CELF2: variants seen among roughly 807,000 people sequenced by gnomAD.
CELF2 encodes the protein CUG triplet repeat RNA-binding protein 2.
A neutral mutation model predicts 62.6 loss-of-function variants in CELF2; 8 were observed. The ratio of observed to expected loss-of-function variants is 0.13; its 90% CI spans 0.07 to 0.23. The LOEUF (loss-of-function observed/expected upper bound fraction) is 0.23, where lower values mean the gene tolerates loss of function less well. CELF2 is among the 10% of genes least tolerant of loss of function. The probability of loss-of-function intolerance (pLI) is 1.00; values close to 1 mark genes in which losing one functional copy is unlikely to be tolerated. For synonymous variants in CELF2, 258 were observed against 250.0 expected, an observed-to-expected ratio of 1.03 and a Z score of -0.30; for missense variants, 333 against 671.0, an observed-to-expected ratio of 0.50 and a Z score of 5.56.
chr10:10,476,207 T>G, the CELF2 span, among the ~76,000 whole-genome samples: 2 of 102,816 alleles, frequency 1.9e-5, no homozygotes, highest in African/African-American at 7.2e-5. Context: ...GAAAGATTAT[T>G]TATCATTTTA....
At chr10:11,103,135 GTTGAGTGAC>G (rs2142708997) in intron 1 of CELF2, among the ~76,000 whole-genome samples, 1 of 152,184 alleles carries the variant, frequency 6.6e-6, no homozygotes, top group Non-Finnish European at 1.5e-5. Context: ...CCAACCTCTT[GTTGAGTGAC>G]TTCTGTACAT....
rs397816466 is a variant in CELF2, at chr10:11,305,064, C to CT, written c.977-9074dup. On this transcript the variant is annotated intron_variant, in intron 9 of 12. Transcript: ENST00000633077. This position sits in a 1 kb window ranked among gnomAD's most constrained non-coding sequence, Gnocchi z 4.8. ...CATCTTCTGGTTCAACTCGGTGCCC[C>CT]TCCTCCAGCCCTGGCCCAGTGGATA... Among the ~76,000 whole-genome samples the CT allele has an allele frequency of 3.3e-5, 5 of 151,438 alleles. No homozygotes were observed. The highest frequency in any genetic ancestry group is 7.4e-5 in the Non-Finnish European group (5 of 67,794).
the CELF2 span, among the ~76,000 whole-genome samples, chr10:10,607,288 T>C: frequency 1.3e-5 from 2 of 152,104 alleles, no homozygotes. Flanking sequence ...TGTTACATTT[T>C]ATTTATGTAA....
chr10:11,320,957 T>A, intron 10 of CELF2: 1 of 1,534,134 alleles, frequency 6.5e-7, no homozygotes, highest in South Asian at 1.2e-5. Context: ...CGTGCCACAG[T>A]GCATTTGAAT....
At chr10:10,741,492 CAAAAAAAAAAA>C in the CELF2 span, among the ~76,000 whole-genome samples, 9 of 57,344 alleles carry the variant, frequency 1.6e-4, no homozygotes, top group Admixed American at 6.3e-4. Flanking sequence ...GACTCCGTCT[CAAAAAAAAAAA>C]AAAAAAAAAA....
At chr10:10,511,228 G>C in the CELF2 span, among the ~76,000 whole-genome samples, 1 of 152,100 alleles carries the variant, frequency 6.6e-6, no homozygotes, top group South Asian at 2.1e-4. Flanking sequence ...TGGCAAAAAT[G>C]GCAAAACTCC....
intron 2 of CELF2, among the ~76,000 whole-genome samples, chr10:11,180,697 G>A (rs574386105): frequency 9.9e-5 from 15 of 152,212 alleles, no homozygotes; most frequent in African/African-American, 2.9e-4. Flanking sequence ...CTCGCCATGC[G>A]CTAGGTCCTG....
intron 2 of CELF2, among the ~76,000 whole-genome samples, chr10:10,998,993 C>T (rs756989226): frequency 2.0e-5 from 3 of 152,146 alleles, no homozygotes; most frequent in Non-Finnish European, 2.9e-5. Flanking sequence ...TTATTTTCAA[C>T]GTACCCATAT....
At chr10:10,817,235 T>C (rs2056547795) in intron 1 of CELF2, among the ~76,000 whole-genome samples, 1 of 152,196 alleles carries the variant, frequency 6.6e-6, no homozygotes, top group South Asian at 2.1e-4. Context: ...GGTGTACATA[T>C]TTATGAGGTA....
intron 4 of CELF2, among the ~76,000 whole-genome samples, chr10:11,252,442 T>C (rs894409747): frequency 9.2e-5 from 14 of 152,228 alleles, no homozygotes; most frequent in African/African-American, 3.4e-4. Flanking sequence ...TCTAAAACTT[T>C]GTATGTGCTG....
the CELF2 span, among the ~76,000 whole-genome samples, chr10:10,673,510 T>C: frequency 0.25 from 37,724 of 152,018 alleles, 4,925 homozygotes; most frequent in South Asian, 0.44. Flanking sequence ...ATTTTCTTTA[T>C]AGAGTTTCTA....
chr10:10,602,319 C>G, the CELF2 span, among the ~76,000 whole-genome samples: 1 of 152,110 alleles, frequency 6.6e-6, no homozygotes, highest in African/African-American at 2.4e-5. Flanking sequence ...TGACCTTTTG[C>G]AATTTTGCAA....
At chr10:10,650,963 G>C in the CELF2 span, among the ~76,000 whole-genome samples, 2 of 152,184 alleles carry the variant, frequency 1.3e-5, no homozygotes, top group East Asian at 3.9e-4. Flanking sequence ...GAGGTACCGG[G>C]TTCATCTCAC....
chr10:10,785,322 G>A, the CELF2 span, among the ~76,000 whole-genome samples: 1 of 152,140 alleles, frequency 6.6e-6, no homozygotes, highest in Admixed American at 6.5e-5. Flanking sequence ...GATTTTAAAA[G>A]TTCCCAGCCC....
intron 1 of CELF2, among the ~76,000 whole-genome samples, chr10:10,830,565 C>G (rs958778365): frequency 1.3e-5 from 2 of 152,106 alleles, no homozygotes; most frequent in African/African-American, 4.8e-5. Flanking sequence ...ACAATTCACT[C>G]CCTTCTTTTC....
intron 1 of CELF2, among the ~76,000 whole-genome samples, chr10:11,149,581 G>T (rs367689997): frequency 1.3e-5 from 2 of 152,288 alleles, no homozygotes; most frequent in Admixed American, 1.3e-4. Context: ...GAGGCTTTGC[G>T]CCTTGTGAGG....
chr10:10,841,345 C>A (rs569017027), intron 1 of CELF2, among the ~76,000 whole-genome samples: 23 of 145,980 alleles, frequency 1.6e-4, no homozygotes, highest in African/African-American at 1.7e-4. Context: ...GATATAGTAT[C>A]AAAAAAAAAA....
chr10:10,585,019 C>A, the CELF2 span, among the ~76,000 whole-genome samples: 2 of 151,712 alleles, frequency 1.3e-5, no homozygotes, highest in African/African-American at 4.8e-5. Flanking sequence ...AAGGATATAG[C>A]AAGAATTAAA....
At chr10:11,099,040 G>A (rs188346097) in intron 1 of CELF2, among the ~76,000 whole-genome samples, 4 of 152,272 alleles carry the variant, frequency 2.6e-5, no homozygotes. Flanking sequence ...AATTAGGACC[G>A]TCGTCCTGGG....
Sources: gnomAD v4.1 joint callset for allele counts (sites outside exome capture counted in the v4.1 genomes callset) on GRCh38, gnomAD v4.1.1 for gene constraint, Gnocchi (gnomAD v3.1) non-coding constraint, MANE v1.5 for transcripts, NCBI Gene and HGNC (gene_info 2026-07-23, HGNC 2026-07-21) for gene names.